EPS15: variants seen among roughly 807,000 people sequenced by gnomAD.
EPS15 encodes the protein epidermal growth factor receptor pathway substrate 15, also known as epidermal growth factor receptor substrate 15.
Under a neutral mutation model 113.8 loss-of-function variants are expected in EPS15, and 72 were observed. The observed-to-expected ratio is 0.63, with a 90% CI of 0.52 to 0.77. The LOEUF is 0.77. Among genes scored for constraint, EPS15 ranks in the 30% least tolerant of loss-of-function variants. The pLI, the probability that EPS15 is intolerant of heterozygous loss-of-function variation, is 0.00. For missense variants in EPS15, 1,048 were observed against 1,045.8 expected, an observed-to-expected ratio of 1.00 and a Z score of -0.03; for synonymous variants, 344 against 363.4, an observed-to-expected ratio of 0.95 and a Z score of 0.61.
rs1261832620 is a variant in EPS15 at position 51,488,486 on chromosome 1, A to AAAACAAAAC, written c.34-7173_34-7172insGTTTTGTTT. Among the ~76,000 whole-genome samples the AAAACAAAAC allele has an allele frequency of 3.0e-3, 451 of 150,674 alleles. 1 individual carries two copies. Among genetic ancestry groups the AAAACAAAAC allele is most frequent in the African/African-American group, 0.011 (435 of 41,102 alleles). ...ATAAAGTTTTGTAAAAAAAAAAAAA[A>AAAACAAAAC]AAAAAAAAAACTCAGACTTTGTATC... is the stretch of plus-strand genomic sequence containing the variant. On this transcript the variant is annotated intron_variant, in intron 1 of 24. Coordinates refer to ENST00000371733, the MANE Select transcript of EPS15 (RefSeq NM_001981.3).
At chr1:51,379,311 A>G (rs928496708) in intron 21 of EPS15, among the ~76,000 whole-genome samples, 7 of 151,934 alleles carry the variant, frequency 4.6e-5, no homozygotes, top group African/African-American at 1.2e-4. Context: ...GTAGAGATGG[A>G]GTTTCATCAT....
chr1:51,426,837 C>CTCTCTCTATATATATATATA (rs377211027), intron 12 of EPS15, among the ~76,000 whole-genome samples: 4 of 143,566 alleles, frequency 2.8e-5, no homozygotes, highest in African/African-American at 1.1e-4. Context: ...CTCTCTCTCT[C>CTCTCTCTATATATATATATA]TATATATATA....
chr1:51,439,852 T>C (rs781603878), intron 12 of EPS15, among the ~76,000 whole-genome samples: 2 of 152,026 alleles, frequency 1.3e-5, no homozygotes, highest in Non-Finnish European at 2.9e-5. Context: ...AATTACAAGG[T>C]TTGTGTGAGG....
intron 16 of EPS15, among the ~76,000 whole-genome samples, chr1:51,404,143 G>A (rs1043495770): frequency 1.3e-5 from 2 of 152,218 alleles, no homozygotes; most frequent in East Asian, 1.9e-4. Flanking sequence ...TCAGGAGATC[G>A]AGACCTTCCT....
At chr1:51,373,889 C>T (rs545896064) in intron 21 of EPS15, among the ~76,000 whole-genome samples, 4 of 151,918 alleles carry the variant, frequency 2.6e-5, no homozygotes, top group Admixed American at 1.3e-4. Context: ...AGATGGAGGT[C>T]GCAGTGAGCC....
intron 4 of EPS15, among the ~76,000 whole-genome samples, chr1:51,470,490 C>CA (rs978079507): frequency 1.3e-5 from 2 of 151,436 alleles, no homozygotes; most frequent in African/African-American, 2.4e-5. Context: ...ACTAAAAATA[C>CA]AAAAAAACTA....
At chr1:51,382,407 A>G (rs1646961095) in intron 21 of EPS15, 1 of 150,928 alleles carries the variant, frequency 6.6e-6, no homozygotes, top group Non-Finnish European at 1.5e-5. Context: ...GTGGCATTCC[A>G]TATTTTTAAT....
intron 1 of EPS15, among the ~76,000 whole-genome samples, chr1:51,491,708 GGGGCAGAGAAAGGCAAATCACCT>G (rs1201030633): frequency 3.3e-5 from 5 of 152,054 alleles, no homozygotes; most frequent in African/African-American, 9.7e-5. Context: ...AGGGCGTGGT[GGGGCAGAGAAAGGCAAATCACCT>G]GGGCAGTCCT....
intron 12 of EPS15, among the ~76,000 whole-genome samples, chr1:51,424,073 A>T (rs1163417493): frequency 1.3e-5 from 2 of 152,206 alleles, no homozygotes; most frequent in Admixed American, 6.5e-5. Flanking sequence ...CTTTTGATTC[A>T]TGTTTATCTA....
intron 1 of EPS15, among the ~76,000 whole-genome samples, chr1:51,491,765 G>A (rs1057462042): frequency 1.3e-5 from 2 of 152,056 alleles, no homozygotes; most frequent in Non-Finnish European, 2.9e-5. Flanking sequence ...GGAGAGGGTG[G>A]GGAGTCAAGG....
At position 51,363,250 on chromosome 1, in the gene EPS15, A is replaced by G. The variant is rs149102218; in HGVS notation, c.2359+616T>C. On this transcript the variant is annotated intron_variant, in intron 23 of 24. Coordinates refer to ENST00000371733, the MANE Select transcript of EPS15 (RefSeq NM_001981.3). The stretch of plus-strand genomic sequence containing the variant: ...GAGGCTGAGGTTACAGTGAGCTGAG[A>G]TCATGCCACTGTACTCCAGCCTGGG... 1.1e-3 allele frequency among the ~76,000 whole-genome samples: 164 copies of G among 150,576 alleles called. 1 individual carries two copies. Among genetic ancestry groups the G allele is most frequent in the African/African-American group, 4.0e-3 (162 of 40,836 alleles).
chr1:51,375,702 T>C (rs1431771463), intron 21 of EPS15, among the ~76,000 whole-genome samples: 1 of 152,224 alleles, frequency 6.6e-6, no homozygotes, highest in African/African-American at 2.4e-5. Context: ...GAATGACCTA[T>C]ATAATAATAA....
intron 10 of EPS15, among the ~76,000 whole-genome samples, chr1:51,446,321 G>T (rs1342970252): frequency 6.6e-6 from 1 of 152,156 alleles, no homozygotes; most frequent in Non-Finnish European, 1.5e-5. Context: ...ATGCAGGTAT[G>T]CCTTGAAGAT....
chr1:51,378,443 GC>G (rs1646855148), intron 21 of EPS15, among the ~76,000 whole-genome samples: 1 of 152,058 alleles, frequency 6.6e-6, no homozygotes, highest in Non-Finnish European at 1.5e-5. Context: ...GACTGCTTGA[GC>G]CCAGGAATTC....
rs1347217730 is a variant in EPS15, at chr1:51,508,296, G to GAGAA, written c.33+10902_33+10903insTTCT. Among the ~76,000 whole-genome samples the GAGAA allele has an allele frequency of 5.4e-4, 71 of 131,230 alleles. No individual in the cohort carries two copies. In the East Asian group the frequency reaches 6.2e-3, roughly 12 times the overall value. 86.1% of individuals were successfully genotyped at this position (131,230 alleles called of 152,430 possible). On this transcript the variant is annotated intron_variant, in intron 1 of 24. Coordinates refer to ENST00000371733, the MANE Select transcript of EPS15 (RefSeq NM_001981.3). ...AGAAAGAGAGAAAGAGAGAAAGAGA[G>GAGAA]AGAGAGAAAGAGAGAAAGAGAGAAA...
chr1:51,430,272 G>A (rs1199074063), intron 12 of EPS15, among the ~76,000 whole-genome samples: 1 of 151,914 alleles, frequency 6.6e-6, no homozygotes, highest in Admixed American at 6.6e-5. Flanking sequence ...TTCATTCTAA[G>A]AATTCAGAGT....
chr1:51,501,859 T>C (rs1045015651), intron 1 of EPS15, among the ~76,000 whole-genome samples: 8 of 152,174 alleles, frequency 5.3e-5, no homozygotes, highest in African/African-American at 1.9e-4. Context: ...TTTTCAGAGT[T>C]GCAGGGGAGA....
At chr1:51,357,761 C>CA (rs1323096834) in intron 24 of EPS15, among the ~76,000 whole-genome samples, 2 of 133,626 alleles carry the variant, frequency 1.5e-5, no homozygotes. Flanking sequence ...TTTTTTGAGA[C>CA]AGAGTTTTCG....
In EPS15 at chr1:51,405,895, T is replaced by A; in HGVS notation, c.1677+10A>T. On this transcript the variant is annotated intron_variant, in intron 16 of 24. Transcript: ENST00000371733. The stretch of plus-strand genomic sequence containing the variant: ...GTTGATTATGAAGGTTATGAAAGTA[T>A]TAGACTCACTGGAGATTCCTGGTGT... 1 of 1,610,072 alleles carries A rather than the reference T, an allele frequency of 6.2e-7. No homozygotes were observed. The highest frequency in any genetic ancestry group is 8.5e-7 in the Non-Finnish European group (1 of 1,177,390).
Sources: allele counts gnomAD v4.1 joint callset (sites outside exome capture counted in the v4.1 genomes callset), GRCh38; gene constraint gnomAD v4.1.1; transcripts MANE v1.5; gene names NCBI Gene and HGNC (gene_info 2026-07-23, HGNC 2026-07-21).